The following CPQ variants were observed in gnomAD, a reference collection of about 807,000 sequenced individuals.
The protein encoded by CPQ is Ser-Met dipeptidase.
CPQ carries 37 observed loss-of-function variants against 45.7 expected under a neutral mutation model. The ratio of observed to expected loss-of-function variants is 0.81; its 90% CI spans 0.62 to 1.07. The LOEUF is 1.07. Ranked by LOEUF, CPQ falls within the 50% of genes least tolerant of loss-of-function variation. The pLI is 0.00. For missense variants in CPQ, 537 were observed against 572.9 expected (o/e 0.94, Z 0.64); for synonymous variants, 186 against 205.8 (o/e 0.90, Z 0.82).
intron 1 of CPQ, among the ~76,000 whole-genome samples, chr8:96,646,600 C>T (rs1404925087): frequency 6.6e-6 from 1 of 152,210 alleles, no homozygotes; most frequent in Non-Finnish European, 1.5e-5. Flanking sequence ...TACAGTTGGT[C>T]ACTGCAGCCG....
intron 4 of CPQ, among the ~76,000 whole-genome samples, chr8:96,944,901 C>T (rs1017162382): frequency 1.3e-5 from 2 of 151,958 alleles, no homozygotes; most frequent in African/African-American, 4.8e-5. Context: ...ATGGATTGTA[C>T]TTCCTAGAGG....
At chr8:96,685,960 AT>A (rs1229288409) in intron 1 of CPQ, among the ~76,000 whole-genome samples, 1 of 151,994 alleles carries the variant, frequency 6.6e-6, no homozygotes, top group Non-Finnish European at 1.5e-5. Flanking sequence ...TTACTCTATA[AT>A]TTTGGTTGCT....
At chr8:96,898,825 G>T (rs1338272119) in intron 4 of CPQ, among the ~76,000 whole-genome samples, 1 of 148,036 alleles carries the variant, frequency 6.8e-6, no homozygotes, top group Non-Finnish European at 1.5e-5. Context: ...CAGGCTTCTT[G>T]TTGGGTCGGG....
At chr8:96,997,481 T>G (rs1462482638) in intron 5 of CPQ, among the ~76,000 whole-genome samples, 1 of 152,040 alleles carries the variant, frequency 6.6e-6, no homozygotes, top group African/African-American at 2.4e-5. Flanking sequence ...TTTTATGTGT[T>G]TTCATAAATG....
chr8:96,891,185 C>T (rs1812369631), intron 4 of CPQ, among the ~76,000 whole-genome samples: 1 of 152,182 alleles, frequency 6.6e-6, no homozygotes, highest in African/African-American at 2.4e-5. Context: ...TGTGGAATAC[C>T]ATGACGGTGG....
chr8:97,070,163 T>C (rs756740069), intron 7 of CPQ, among the ~76,000 whole-genome samples: 12 of 152,204 alleles, frequency 7.9e-5, no homozygotes, highest in Non-Finnish European at 1.8e-4. Flanking sequence ...TCCTTCCATA[T>C]TCCTATTCTT....
chr8:96,979,829 G>C (rs1252582105), intron 5 of CPQ, among the ~76,000 whole-genome samples: 1 of 152,106 alleles, frequency 6.6e-6, no homozygotes, highest in African/African-American at 2.4e-5. Context: ...TATTATAAGA[G>C]TACTTATTTA....
intron 2 of CPQ, among the ~76,000 whole-genome samples, chr8:96,820,762 T>C (rs1563505248): frequency 1.3e-5 from 2 of 152,100 alleles, no homozygotes; most frequent in African/African-American, 4.8e-5. Context: ...TTAGCAGTGC[T>C]GAAATAAACA....
chr8:96,661,359 A>G (rs1283517750), intron 1 of CPQ, among the ~76,000 whole-genome samples: 1 of 151,814 alleles, frequency 6.6e-6, no homozygotes, highest in Non-Finnish European at 1.5e-5. Flanking sequence ...CCCAAAGCCC[A>G]TGGTTTGTAT....
chr8:96,977,467 A>T (rs553754679), intron 5 of CPQ, among the ~76,000 whole-genome samples: 2 of 152,168 alleles, frequency 1.3e-5, no homozygotes, highest in African/African-American at 4.8e-5. Flanking sequence ...TCTACATTTA[A>T]TCCAGCCATC....
chr8:96,770,722 T>A (rs1362189247), intron 1 of CPQ, among the ~76,000 whole-genome samples: 1 of 147,474 alleles, frequency 6.8e-6, no homozygotes, highest in East Asian at 1.9e-4. Flanking sequence ...ATTATATATA[T>A]ATAAAATATA....
At chr8:96,910,198 T>G (rs1812639365) in intron 4 of CPQ, among the ~76,000 whole-genome samples, 1 of 152,312 alleles carries the variant, frequency 6.6e-6, no homozygotes, top group South Asian at 2.1e-4. Context: ...TTCACATTTA[T>G]GATAGATGAA....
chr8:96,929,700 C>G (rs1285202059), intron 4 of CPQ, among the ~76,000 whole-genome samples: 1 of 152,144 alleles, frequency 6.6e-6, no homozygotes, highest in Non-Finnish European at 1.5e-5. Flanking sequence ...TATACTTTTA[C>G]TGTAGTCTCT....
At chr8:97,092,199 C>T (rs564415653) in intron 7 of CPQ, among the ~76,000 whole-genome samples, 26 of 152,212 alleles carry the variant, frequency 1.7e-4, no homozygotes, top group Middle Eastern at 3.4e-3. Context: ...AAACTGTGTG[C>T]GGCATTTAGT....
intron 1 of CPQ, among the ~76,000 whole-genome samples, chr8:96,659,995 G>A (rs1815681063): frequency 6.6e-6 from 1 of 152,064 alleles, no homozygotes; most frequent in African/African-American, 2.4e-5. Flanking sequence ...AATTGCTTGT[G>A]GAATAAATCC....
intron 1 of CPQ, among the ~76,000 whole-genome samples, chr8:96,705,621 T>G (rs1178566928): frequency 6.6e-6 from 1 of 152,166 alleles, no homozygotes; most frequent in Non-Finnish European, 1.5e-5. Context: ...TTCCAGAAGC[T>G]GTTGCAGCCA....
chr8:96,822,092 A>G (rs1256172508), intron 2 of CPQ, among the ~76,000 whole-genome samples: 1 of 151,742 alleles, frequency 6.6e-6, no homozygotes, highest in Non-Finnish European at 1.5e-5. Flanking sequence ...TCATTATTTT[A>G]CTCTCTGTTT....
chr8:96,946,419 CTGTT>C (rs1399046327), intron 4 of CPQ, among the ~76,000 whole-genome samples: 7 of 151,600 alleles, frequency 4.6e-5, no homozygotes, highest in East Asian at 1.9e-4. Context: ...CAAGATAAAT[CTGTT>C]TGGGAGTGTT....
intron 2 of CPQ, among the ~76,000 whole-genome samples, chr8:96,806,449 A>G (rs961686137): frequency 1.3e-5 from 2 of 152,168 alleles, no homozygotes; most frequent in Non-Finnish European, 2.9e-5. Context: ...CCACAGTACT[A>G]AGACAGACTT....
Sources: gnomAD v4.1 joint callset for allele counts (sites outside exome capture counted in the v4.1 genomes callset) on GRCh38, gnomAD v4.1.1 for gene constraint, MANE v1.5 for transcripts, NCBI Gene and HGNC (gene_info 2026-07-23, HGNC 2026-07-21) for gene names.